Variants in COMMD10 observed in about 807,000 individuals in gnomAD.
COMMD10 encodes COMM domain-containing protein 10.
In COMMD10, 33 loss-of-function variants were observed where a neutral mutation model predicts 28.9. The ratio of observed to expected loss-of-function variants is 1.14; its 90% CI spans 0.87 to 1.53. The LOEUF (loss-of-function observed/expected upper bound fraction) is 1.53. Ranked by LOEUF, COMMD10 falls within the 40% of genes most tolerant of loss-of-function variation. COMMD10 has a pLI of 0.00. For synonymous variants in COMMD10, 110 were observed against 81.7 expected (o/e 1.35, Z -1.87); for missense variants, 310 against 233.4 (o/e 1.33, Z -2.14).
At chr5:116,172,071 G>C (rs1753353295) in intron 5 of COMMD10, among the ~76,000 whole-genome samples, 1 of 152,118 alleles carries the variant, frequency 6.6e-6, no homozygotes, top group Admixed American at 6.6e-5. Flanking sequence ...GGTATGTCCA[G>C]AGCTTACAGA....
intron 5 of COMMD10, among the ~76,000 whole-genome samples, chr5:116,180,605 C>T (rs1475177409): frequency 3.3e-5 from 5 of 151,808 alleles, no homozygotes; most frequent in South Asian, 4.1e-4. Flanking sequence ...AGAAATTATA[C>T]GTTTTTCTCT....
intron 5 of COMMD10, among the ~76,000 whole-genome samples, chr5:116,209,485 G>A (rs1188114084): frequency 6.6e-6 from 1 of 152,134 alleles, no homozygotes; most frequent in East Asian, 1.9e-4. Flanking sequence ...TACCTTGCAA[G>A]TATTACTGTT....
intron 5 of COMMD10, among the ~76,000 whole-genome samples, chr5:116,269,463 G>T (rs57148027): frequency 6.6e-6 from 1 of 151,610 alleles, no homozygotes. Flanking sequence ...TTGACTTTTA[G>T]ATTTCAGGTA....
chr5:116,101,885 G>C (rs1027724756), intron 4 of COMMD10, among the ~76,000 whole-genome samples: 8 of 152,036 alleles, frequency 5.3e-5, no homozygotes, highest in African/African-American at 1.7e-4. Flanking sequence ...CCTTTGCCCT[G>C]TGCCCACTTT....
At chr5:116,168,668 T>G (rs1013323104) in intron 5 of COMMD10, among the ~76,000 whole-genome samples, 3 of 152,146 alleles carry the variant, frequency 2.0e-5, no homozygotes, top group Non-Finnish European at 4.4e-5. Flanking sequence ...AACTCAAGAT[T>G]AAGAAACTCA....
intron 5 of COMMD10, among the ~76,000 whole-genome samples, chr5:116,178,864 A>G (rs923216866): frequency 1.3e-5 from 2 of 152,192 alleles, no homozygotes; most frequent in Non-Finnish European, 2.9e-5. Context: ...AACATCTTCC[A>G]TTCCAAAATG....
At chr5:116,254,056 T>C (rs2112677232) in intron 5 of COMMD10, among the ~76,000 whole-genome samples, 1 of 152,316 alleles carries the variant, frequency 6.6e-6, no homozygotes, top group East Asian at 1.9e-4. Context: ...CTTTATCCAT[T>C]TCTTCTAGAT....
intron 5 of COMMD10, among the ~76,000 whole-genome samples, chr5:116,209,219 G>A (rs1748897149): frequency 6.6e-6 from 1 of 151,458 alleles, no homozygotes; most frequent in Non-Finnish European, 1.5e-5. Flanking sequence ...TTTAATTTTA[G>A]TTTTGTTTTC....
At chr5:116,138,946 T>C (rs184558688) in intron 5 of COMMD10, among the ~76,000 whole-genome samples, 1 of 151,836 alleles carries the variant, frequency 6.6e-6, no homozygotes. Context: ...TTATTATTCT[T>C]ATTTTATTGA....
At chr5:116,107,772 G>C (rs1383782162) in intron 4 of COMMD10, among the ~76,000 whole-genome samples, 1 of 151,994 alleles carries the variant, frequency 6.6e-6, no homozygotes, top group Non-Finnish European at 1.5e-5. Flanking sequence ...TCTGGTTTTT[G>C]GAATTTTCAG....
Position 116,279,356 on chromosome 5 carries a change from G to A in COMMD10, c.511-12161G>A, listed in dbSNP as rs186176453. 1.1e-3 allele frequency among the ~76,000 whole-genome samples: 168 copies of A among 151,910 alleles called. 9 individuals carry two copies. The highest frequency in any genetic ancestry group is 4.0e-3 in the African/African-American group (164 of 41,296). On this transcript the variant is annotated intron_variant, in intron 5 of 6. Coordinates refer to ENST00000274458, the MANE Select transcript of COMMD10 (RefSeq NM_016144.4). ...ACTTTTCAAAAATTAAAAGTTATTC[G>A]ATTGATTTAACACTGGGAAAATGCC...
intron 5 of COMMD10, among the ~76,000 whole-genome samples, chr5:116,219,421 C>G (rs1234033791): frequency 6.6e-6 from 1 of 152,104 alleles, no homozygotes; most frequent in Admixed American, 6.5e-5. Flanking sequence ...GATTGGGAGA[C>G]TATCCCGGGT....
chr5:116,115,513 T>G (rs928068122), intron 4 of COMMD10, among the ~76,000 whole-genome samples: 9 of 152,202 alleles, frequency 5.9e-5, no homozygotes, highest in Admixed American at 5.9e-4. Flanking sequence ...CTACCACTTA[T>G]TAGAATTTGT....
intron 5 of COMMD10, among the ~76,000 whole-genome samples, chr5:116,251,926 C>T (rs1221300588): frequency 3.3e-5 from 5 of 149,952 alleles, no homozygotes; most frequent in East Asian, 2.0e-4. Context: ...TAAAAGTGTT[C>T]CTATTTCTCC....
At chr5:116,144,659 G>C (rs187302269) in intron 5 of COMMD10, among the ~76,000 whole-genome samples, 5 of 151,954 alleles carry the variant, frequency 3.3e-5, no homozygotes, top group Admixed American at 2.0e-4. Flanking sequence ...GAAAAGAGAA[G>C]AATGGACATG....
At chr5:116,160,506 T>G (rs2112566179) in intron 5 of COMMD10, among the ~76,000 whole-genome samples, 1 of 152,300 alleles carries the variant, frequency 6.6e-6, no homozygotes, top group South Asian at 2.1e-4. Flanking sequence ...CAACTGAAGT[T>G]GGATGAGTCT....
At chr5:116,120,249 G>A (rs1171401201) in intron 4 of COMMD10, among the ~76,000 whole-genome samples, 1 of 152,132 alleles carries the variant, frequency 6.6e-6, no homozygotes, top group Non-Finnish European at 1.5e-5. Flanking sequence ...AAGTAATTCA[G>A]GAATGGAAAA....
chr5:116,151,819 A>G (rs905888997), intron 5 of COMMD10, among the ~76,000 whole-genome samples: 9 of 152,028 alleles, frequency 5.9e-5, no homozygotes, highest in Non-Finnish European at 1.2e-4. Flanking sequence ...TCCTGGATTC[A>G]TTAATTTTTT....
At chr5:116,184,500 G>A (rs1748077144) in intron 5 of COMMD10, among the ~76,000 whole-genome samples, 1 of 151,704 alleles carries the variant, frequency 6.6e-6, no homozygotes, top group Non-Finnish European at 1.5e-5. Context: ...CCTCCACCCC[G>A]CCTTTCTGGG....
Sources: gnomAD v4.1 joint callset for allele counts (sites outside exome capture counted in the v4.1 genomes callset) on GRCh38, gnomAD v4.1.1 for gene constraint, MANE v1.5 for transcripts, NCBI Gene and HGNC (gene_info 2026-07-23, HGNC 2026-07-21) for gene names.